Variants in NRXN1 observed in about 807,000 individuals in gnomAD.
NRXN1 encodes neurexin 1.
In NRXN1, 39 loss-of-function variants were observed where a neutral mutation model predicts 150.9. That is an observed-to-expected ratio of 0.26 (90% CI 0.20 to 0.34). The LOEUF (loss-of-function observed/expected upper bound fraction) is 0.34. NRXN1 is among the 10% of genes least tolerant of loss of function. NRXN1 has a pLI of 1.00. For missense variants in NRXN1, 1,815 were observed against 1,949.9 expected (o/e 0.93, Z 1.30); for synonymous variants, 924 against 757.0 (o/e 1.22, Z -3.62).
intron 5 of NRXN1, among the ~76,000 whole-genome samples, chr2:50,706,612 A>T (rs2105006820): frequency 6.6e-6 from 1 of 152,304 alleles, no homozygotes; most frequent in East Asian, 1.9e-4. Context: ...GGTTTATAAA[A>T]GCTGAAAACA....
At chr2:50,942,037 G>C (rs1689533280) in intron 2 of NRXN1, among the ~76,000 whole-genome samples, 1 of 152,170 alleles carries the variant, frequency 6.6e-6, no homozygotes, top group African/African-American at 2.4e-5. Context: ...TTGAGATATG[G>C]CACCCTGCAT....
chr2:50,690,381 AC>A (rs1447831978), intron 5 of NRXN1, among the ~76,000 whole-genome samples: 4 of 152,180 alleles, frequency 2.6e-5, no homozygotes, highest in African/African-American at 9.7e-5. Context: ...CAGCACGCAG[AC>A]CTTTGAAATT....
chr2:49,964,196 C>G (rs1676502231), intron 21 of NRXN1, among the ~76,000 whole-genome samples: 4 of 152,226 alleles, frequency 2.6e-5, no homozygotes, highest in Admixed American at 2.6e-4. Flanking sequence ...CTGCTGGTTT[C>G]TCAGAGCATC....
intron 8 of NRXN1, among the ~76,000 whole-genome samples, chr2:50,561,399 A>T (rs895340601): frequency 3.3e-5 from 5 of 152,234 alleles, no homozygotes; most frequent in African/African-American, 1.2e-4. Context: ...TTTCAGCTGA[A>T]GATCTTTTTG....
At chr2:50,787,913 G>A (rs1355520231) in intron 5 of NRXN1, among the ~76,000 whole-genome samples, 1 of 151,946 alleles carries the variant, frequency 6.6e-6, no homozygotes, top group Admixed American at 6.6e-5. Flanking sequence ...TTCTCAGCAT[G>A]TCATAAGGAT....
chr2:49,973,691 C>A, intron 21 of NRXN1: 1 of 437,340 alleles, frequency 2.3e-6, no homozygotes, highest in South Asian at 3.1e-5. Context: ...ACCCCTGAAG[C>A]TCACACAAAG....
At chr2:50,091,746 G>C (rs1276862471) in intron 18 of NRXN1, among the ~76,000 whole-genome samples, 1 of 152,146 alleles carries the variant, frequency 6.6e-6, no homozygotes, top group Admixed American at 6.5e-5. Context: ...TCTTCCCAGA[G>C]GTTGTCACAG....
chr2:50,387,011 A>G (rs1292472326), intron 17 of NRXN1, among the ~76,000 whole-genome samples: 1 of 152,176 alleles, frequency 6.6e-6, no homozygotes, highest in Admixed American at 6.5e-5. Context: ...GTTTTTTTCT[A>G]AAGTTAGCAT....
intron 17 of NRXN1, among the ~76,000 whole-genome samples, chr2:50,412,304 T>G (rs1249805830): frequency 6.8e-6 from 1 of 147,546 alleles, no homozygotes; most frequent in Non-Finnish European, 1.5e-5. Context: ...CCAAGAATGA[T>G]CAATAAATAC....
At chr2:50,901,753 T>G (rs527931555) in intron 5 of NRXN1, among the ~76,000 whole-genome samples, 40 of 152,288 alleles carry the variant, frequency 2.6e-4, no homozygotes, top group Admixed American at 9.8e-4. Flanking sequence ...AAAAACAGAC[T>G]AAACAACAAT....
At chr2:50,528,536 A>C in intron 12 of NRXN1, 89 bp downstream of exon 12, 1 of 765,262 alleles carries the variant, frequency 1.3e-6, no homozygotes. Flanking sequence ...TTATAAACAC[A>C]TTTCTCTTGC....
chr2:50,238,615 T>C (rs2065693929), intron 17 of NRXN1, among the ~76,000 whole-genome samples: 1 of 152,022 alleles, frequency 6.6e-6, no homozygotes, highest in Non-Finnish European at 1.5e-5. Context: ...TTGCCATGAT[T>C]ACCAAGTTTA....
intron 8 of NRXN1, among the ~76,000 whole-genome samples, chr2:50,558,195 A>C (rs1249559829): frequency 6.6e-6 from 1 of 152,206 alleles, no homozygotes; most frequent in Non-Finnish European, 1.5e-5. Flanking sequence ...ATTTCCTATT[A>C]CCATAAGTTA....
chr2:50,378,680 G>A (rs1486062157), intron 17 of NRXN1, among the ~76,000 whole-genome samples: 1 of 152,074 alleles, frequency 6.6e-6, no homozygotes, highest in Admixed American at 6.6e-5. Flanking sequence ...AACAGTAAGA[G>A]GGAGAAATAT....
intron 5 of NRXN1, among the ~76,000 whole-genome samples, chr2:50,737,907 T>C (rs1000187756): frequency 3.3e-5 from 5 of 152,152 alleles, no homozygotes; most frequent in Admixed American, 3.3e-4. Flanking sequence ...TCTTTTTTTT[T>C]AATCACTGGC....
intron 2 of NRXN1, among the ~76,000 whole-genome samples, chr2:50,977,526 G>C (rs1696059038): frequency 6.6e-6 from 1 of 151,936 alleles, no homozygotes; most frequent in East Asian, 1.9e-4. Flanking sequence ...CTCTCATTCA[G>C]GAAACACTAC....
intron 5 of NRXN1, among the ~76,000 whole-genome samples, chr2:50,813,796 C>T (rs939308563): frequency 1.3e-5 from 2 of 152,150 alleles, no homozygotes; most frequent in South Asian, 2.1e-4. Flanking sequence ...TCTCTTACCC[C>T]ACTAAAAAGT....
At chr2:49,928,452 T>C (rs1669508296) in intron 22 of NRXN1, among the ~76,000 whole-genome samples, 1 of 152,108 alleles carries the variant, frequency 6.6e-6, no homozygotes, top group Non-Finnish European at 1.5e-5. Flanking sequence ...GTCTAATAGA[T>C]GTGGAAGTTA....
intron 17 of NRXN1, among the ~76,000 whole-genome samples, chr2:50,281,525 G>T (rs1276625635): frequency 1.3e-5 from 2 of 151,710 alleles, no homozygotes; most frequent in Non-Finnish European, 2.9e-5. Flanking sequence ...GCTCAAATGA[G>T]AAAACACATT....
Sources: allele counts gnomAD v4.1 joint callset (sites outside exome capture counted in the v4.1 genomes callset), GRCh38; gene constraint gnomAD v4.1.1; transcripts MANE v1.5; gene names NCBI Gene and HGNC (gene_info 2026-07-23, HGNC 2026-07-21).